The following ATP9A variants were observed in gnomAD, a reference collection of about 807,000 sequenced individuals.
ATP9A encodes the protein ATPase phospholipid transporting 9A.
A neutral mutation model predicts 144.1 loss-of-function variants in ATP9A; 52 were observed. The observed-to-expected ratio is 0.36, with a 90% CI of 0.29 to 0.45. The LOEUF (loss-of-function observed/expected upper bound fraction) is 0.45, where lower values mean the gene tolerates loss of function less well. ATP9A is among the 20% of genes least tolerant of loss of function. The pLI, the probability that ATP9A is intolerant of heterozygous loss-of-function variation, is 1.00. For missense variants in ATP9A, 947 were observed against 1,392.7 expected (o/e 0.68, Z 5.09); for synonymous variants, 582 against 557.4 (o/e 1.04, Z -0.62).
chr20:51,598,857 T>C lies in ATP9A; in HGVS notation c.*2354A>G, dbSNP rs979155358. Reference sequence around the variant, plus strand: ...GGGCCAACGACGTGGCAGTTTGCACTTGAGTGTCGGTACTTCTCACCCTTG... The same window carrying C: ...GGGCCAACGACGTGGCAGTTTGCACCTGAGTGTCGGTACTTCTCACCCTTG... On this transcript the variant is annotated 3_prime_UTR_variant, in exon 28 of 28. Coordinates refer to ENST00000338821, the MANE Select transcript of ATP9A (RefSeq NM_006045.3). 2 of 152,330 alleles carry C rather than the reference T, an allele frequency of 1.3e-5. No homozygotes were observed. The highest frequency in any genetic ancestry group is 2.9e-5 in the Non-Finnish European group (2 of 68,114). 9.4% of individuals were successfully genotyped at this position (152,330 alleles called of 1,614,324 possible).
rs34209501 is a variant in ATP9A, at chr20:51,762,705, C to CTTTTT, written c.68+5592_68+5596dup. On this transcript the variant is annotated intron_variant, in intron 1 of 27. Transcript: ENST00000338821. ...TTTAAGGTGATATATCCACAAATGG[C>CTTTTT]TTTTTTTTTTTTTTTTTTTTTTGAG... Among the ~76,000 whole-genome samples the CTTTTT allele has an allele frequency of 2.1e-3, 176 of 84,496 alleles. 5 individuals carry two copies. Among genetic ancestry groups the CTTTTT allele is most frequent in the African/African-American group, 3.7e-3 (74 of 19,776 alleles). The allele number at this position is 84,496 out of a possible 152,430, so 55.4% of individuals were successfully genotyped here.
intron 3 of ATP9A, among the ~76,000 whole-genome samples, chr20:51,713,344 CA>C (rs2077648214): frequency 1.3e-5 from 2 of 152,194 alleles, no homozygotes; most frequent in Non-Finnish European, 2.9e-5. Flanking sequence ...CCACATTCAC[CA>C]CCTCAGGGTG....
chr20:51,609,964 C>G (rs2077178728), intron 24 of ATP9A, 137 bp downstream of exon 24: 1 of 710,266 alleles, frequency 1.4e-6, no homozygotes, highest in Non-Finnish European at 2.4e-6. Flanking sequence ...AACCATGGTG[C>G]TGGGCCTGCA....
At chr20:51,633,829 G>C in intron 15 of ATP9A, among the ~76,000 whole-genome samples, 1 of 149,984 alleles carries the variant, frequency 6.7e-6, no homozygotes, top group South Asian at 2.1e-4. Context: ...AAGGGAAAGA[G>C]GGAGAGGGAG....
At chr20:51,760,578 T>C (rs2077875224) in intron 1 of ATP9A, among the ~76,000 whole-genome samples, 1 of 151,524 alleles carries the variant, frequency 6.6e-6, no homozygotes, top group African/African-American at 2.4e-5. Flanking sequence ...ACTACAAAAA[T>C]TAGCCGGGCA....
chr20:51,624,999 C>T (rs1182294584), intron 18 of ATP9A, among the ~76,000 whole-genome samples, 193 bp downstream of exon 18: 3 of 96,636 alleles, frequency 3.1e-5, no homozygotes. Context: ...AGCGAGACCC[C>T]GTCTCAAAAA....
chr20:51,701,879 T>G (rs546278736), intron 4 of ATP9A, among the ~76,000 whole-genome samples: 1 of 152,260 alleles, frequency 6.6e-6, no homozygotes, highest in African/African-American at 2.4e-5. Context: ...CAAAAACACG[T>G]AGTTTGGCTG....
At position 51,738,189 on chromosome 20, in the gene ATP9A, C is replaced by T. The variant is rs8114564; in HGVS notation, c.69-8211G>A. ...GATTACAGGAACCCAACACCACGCC[C>T]GGCTAATTTTTTGTATGTTTAGTAC... On this transcript the variant is annotated intron_variant, in intron 1 of 27. Coordinates refer to ENST00000338821, the MANE Select transcript of ATP9A (RefSeq NM_006045.3). Among the ~76,000 whole-genome samples, 1,427 of 151,988 alleles carry T rather than the reference C, an allele frequency of 9.4e-3. 17 individuals carry two copies. The highest frequency in any genetic ancestry group is 0.032 in the African/African-American group (1,340 of 41,486).
intron 16 of ATP9A, among the ~76,000 whole-genome samples, chr20:51,628,049 TGAG>T (rs972418359): frequency 6.6e-6 from 1 of 152,180 alleles, no homozygotes; most frequent in African/African-American, 2.4e-5. Context: ...CAATGATGGC[TGAG>T]GAGCAGTGGC....
intron 22 of ATP9A, among the ~76,000 whole-genome samples, chr20:51,615,114 G>A (rs1601057395): frequency 6.6e-6 from 1 of 151,590 alleles, no homozygotes; most frequent in Admixed American, 6.6e-5. Flanking sequence ...GGGGTGGGGC[G>A]TGGTTATGAT....
chr20:51,720,555 G>C (rs372888842), intron 3 of ATP9A, among the ~76,000 whole-genome samples: 7 of 152,096 alleles, frequency 4.6e-5, no homozygotes, highest in Non-Finnish European at 7.4e-5. Context: ...AGTTTCCTAG[G>C]CCTAGCGCAG....
chr20:51,636,578 G>A (rs2122742016), intron 15 of ATP9A, among the ~76,000 whole-genome samples: 1 of 148,358 alleles, frequency 6.7e-6, no homozygotes, highest in African/African-American at 2.6e-5. Flanking sequence ...AGAGCTGGGA[G>A]CTGGAAGCCA....
chr20:51,636,536 AC>A (rs1279075825), intron 15 of ATP9A, among the ~76,000 whole-genome samples: 1 of 150,422 alleles, frequency 6.6e-6, no homozygotes, highest in African/African-American at 2.5e-5. Flanking sequence ...CTCTCGTCAC[AC>A]CCCAGCCCTA....
chr20:51,742,433 G>A (rs150869825), intron 1 of ATP9A, among the ~76,000 whole-genome samples: 90 of 152,164 alleles, frequency 5.9e-4, no homozygotes, highest in African/African-American at 2.1e-3. Flanking sequence ...AAAGCAAAGT[G>A]TGTTACTCCA....
intron 1 of ATP9A, among the ~76,000 whole-genome samples, chr20:51,746,083 G>A (rs1026150539): frequency 2.7e-4 from 41 of 152,158 alleles, no homozygotes; most frequent in African/African-American, 9.2e-4. Context: ...GGAAAAGAAA[G>A]CCAAATACCA....
chr20:51,727,759 G>A (rs2077721440), intron 2 of ATP9A, among the ~76,000 whole-genome samples: 1 of 151,672 alleles, frequency 6.6e-6, no homozygotes, highest in African/African-American at 2.4e-5. Flanking sequence ...ATGAAACCCT[G>A]TCTCTACTAA....
intron 9 of ATP9A, among the ~76,000 whole-genome samples, chr20:51,685,043 CAAAT>C (rs1201658914): frequency 2.1e-4 from 30 of 144,768 alleles, no homozygotes; most frequent in Non-Finnish European, 3.6e-4. Context: ...AAAAAAAATA[CAAAT>C]AAATAGTAAA....
Position 51,599,909 on chromosome 20 carries a change from A to T in ATP9A, c.*1302T>A, listed in dbSNP as rs1245708174. On this transcript the variant is annotated 3_prime_UTR_variant, in exon 28 of 28. Coordinates refer to ENST00000338821, the MANE Select transcript of ATP9A (RefSeq NM_006045.3). ...TGTGGCTTCTGCAAGAAGCAACTTG[A>T]AAACCCAAGAATGCCTTGCTCTACC... is the stretch of plus-strand genomic sequence containing the variant. 1 of 152,238 alleles carries T rather than the reference A, an allele frequency of 6.6e-6. No homozygotes were observed. Among genetic ancestry groups the T allele is most frequent in the Non-Finnish European group, 1.5e-5 (1 of 68,038 alleles). The allele number at this position is 152,238 out of a possible 1,614,324, so 9.4% of individuals were successfully genotyped here.
At chr20:51,744,991 A>AC (rs1198350502) in intron 1 of ATP9A, among the ~76,000 whole-genome samples, 24 of 152,234 alleles carry the variant, frequency 1.6e-4, no homozygotes, top group Admixed American at 3.3e-4. Context: ...TTAGCTGGGC[A>AC]TGGGCCGGGT....
Sources: gnomAD v4.1 joint callset for allele counts (sites outside exome capture counted in the v4.1 genomes callset) on GRCh38, gnomAD v4.1.1 for gene constraint, MANE v1.5 for transcripts, NCBI Gene and HGNC (gene_info 2026-07-23, HGNC 2026-07-21) for gene names.